The following RFX7 variants were observed in gnomAD, a reference collection of about 807,000 sequenced individuals.
RFX7 encodes regulatory factor X7.
A neutral mutation model predicts 111.8 loss-of-function variants in RFX7; 26 were observed. The observed-to-expected ratio is 0.23, with a 90% CI of 0.17 to 0.32. The LOEUF (loss-of-function observed/expected upper bound fraction) is 0.32, where lower values mean the gene tolerates loss of function less well. Ranked by LOEUF, RFX7 falls within the 10% of genes least tolerant of loss-of-function variation. The pLI is 1.00. For missense variants in RFX7, 1,573 were observed against 1,772.9 expected, an observed-to-expected ratio of 0.89 and a Z score of 2.02; for synonymous variants, 624 against 624.4, an observed-to-expected ratio of 1.00 and a Z score of 0.01.
At chr15:56,129,520 T>C (rs1363912010) in intron 5 of RFX7, among the ~76,000 whole-genome samples, 4 of 152,148 alleles carry the variant, frequency 2.6e-5, no homozygotes, top group Non-Finnish European at 4.4e-5. Context: ...ACAAATGGTA[T>C]AGGAAAAAAA....
intron 3 of RFX7, among the ~76,000 whole-genome samples, chr15:56,149,919 G>A (rs1238090526): frequency 5.3e-5 from 8 of 151,968 alleles, no homozygotes; most frequent in Admixed American, 2.0e-4. Context: ...CTGGCTCAGC[G>A]GGTCCCACTC....
At position 56,096,242 on chromosome 15, in the gene RFX7, T is replaced by A; in HGVS notation, c.1486A>T (p.Ser496Cys). 6.2e-7 allele frequency: 1 copy of A among 1,613,992 alleles called. No individual in the cohort carries two copies. The highest frequency in any genetic ancestry group is 8.5e-7 in the Non-Finnish European group (1 of 1,179,876). Residue 496 changes from serine to cysteine, a missense_variant, in exon 10 of 10, where the codon AGC becomes TGC. Around this residue, in one of 7 missense-constraint regions of RFX7, gnomAD observed 625 missense variants for 632.2 expected, o/e 0.99. Coordinates refer to ENST00000559447, the MANE Select transcript of RFX7 (RefSeq NM_022841.7). ...TCTTCTGTTGTTCCTGTAGCACTGC[T>A]GACTGAGGCAGAATGTTTAAGAGGG... Reference protein sequence around the residue: ...NTPLKHSASVSSATGTTEESR... With the variant: ...NTPLKHSASVCSATGTTEESR...
chr15:56,106,180 T>C (rs1383997032), intron 5 of RFX7, among the ~76,000 whole-genome samples: 1 of 152,218 alleles, frequency 6.6e-6, no homozygotes, highest in Admixed American at 6.5e-5. Context: ...GGTATACAGA[T>C]GACCAATGCC....
intron 3 of RFX7, among the ~76,000 whole-genome samples, chr15:56,165,209 T>G (rs1020300162): frequency 6.6e-6 from 1 of 152,202 alleles, no homozygotes; most frequent in Non-Finnish European, 1.5e-5. Flanking sequence ...CTTACTGCTG[T>G]GTGGCCCGGT....
At chr15:56,187,355 C>T (rs979339878) in intron 2 of RFX7, among the ~76,000 whole-genome samples, 6 of 151,836 alleles carry the variant, frequency 4.0e-5, no homozygotes, top group African/African-American at 9.7e-5. Flanking sequence ...GGATTACAGG[C>T]GCATGTTGCC....
intron 5 of RFX7, among the ~76,000 whole-genome samples, chr15:56,108,759 CTCTG>C (rs1567010215): frequency 2.0e-5 from 3 of 152,186 alleles, no homozygotes; most frequent in Non-Finnish European, 4.4e-5. Flanking sequence ...GTCAAACTGT[CTCTG>C]TCTGTAGACA....
intron 2 of RFX7, among the ~76,000 whole-genome samples, chr15:56,196,629 G>A (rs1879344): frequency 0.13 from 19,768 of 151,814 alleles, 1,679 homozygotes; most frequent in East Asian, 0.43. Context: ...TACAGCACTC[G>A]GAAGGAATCA....
intron 5 of RFX7, among the ~76,000 whole-genome samples, chr15:56,115,389 A>G (rs1347807256): frequency 3.3e-5 from 5 of 152,308 alleles, no homozygotes; most frequent in Middle Eastern, 3.4e-3. Context: ...TATCCACAGT[A>G]CAGAAATCCA....
intron 2 of RFX7, among the ~76,000 whole-genome samples, chr15:56,213,596 G>A (rs1422712824): frequency 6.6e-6 from 1 of 152,116 alleles, no homozygotes; most frequent in Non-Finnish European, 1.5e-5. Context: ...TGACAAAAAC[G>A]TTTTGTCTTG....
At chr15:56,217,160 G>A (rs541234507) in intron 2 of RFX7, among the ~76,000 whole-genome samples, 2 of 151,910 alleles carry the variant, frequency 1.3e-5, no homozygotes, top group African/African-American at 4.8e-5. Context: ...TCATTTTGCT[G>A]CACTATTTTA....
chr15:56,146,455 T>G (rs1156429999), intron 3 of RFX7, among the ~76,000 whole-genome samples: 2 of 152,038 alleles, frequency 1.3e-5, no homozygotes, highest in Admixed American at 6.5e-5. Context: ...TAAGAGAAGG[T>G]TATAATAATA....
chr15:56,133,602 C>G (rs1250033039), intron 5 of RFX7, among the ~76,000 whole-genome samples: 3 of 151,982 alleles, frequency 2.0e-5, no homozygotes, highest in East Asian at 1.9e-4. Flanking sequence ...TAATGAGTGC[C>G]TAATGATTGT....
intron 2 of RFX7, among the ~76,000 whole-genome samples, chr15:56,181,894 C>G (rs2042977699): frequency 6.6e-6 from 1 of 152,142 alleles, no homozygotes; most frequent in Non-Finnish European, 1.5e-5. Context: ...AAGCGCATTA[C>G]TGCCTGAGCT....
intron 2 of RFX7, among the ~76,000 whole-genome samples, chr15:56,205,449 T>C (rs2043240099): frequency 6.6e-6 from 1 of 152,216 alleles, no homozygotes; most frequent in African/African-American, 2.4e-5. Context: ...TAACCTTCTT[T>C]CAGTTATATT....
intron 5 of RFX7, among the ~76,000 whole-genome samples, chr15:56,137,790 G>A (rs1260250686): frequency 3.9e-5 from 6 of 151,984 alleles, no homozygotes; most frequent in African/African-American, 9.7e-5. Flanking sequence ...CTTTGAATGC[G>A]TCCCAGAGAT....
In RFX7 at chr15:56,217,053, G is replaced by T. The variant is rs141247480; in HGVS notation, c.161+26072C>A. ...AAAATGGTTAAAACAAAAAAAATTA[G>T]AAAGAATAGTACAACCAAAAACTAT... On this transcript the variant is annotated intron_variant, in intron 2 of 9. Coordinates refer to ENST00000559447, the MANE Select transcript of RFX7 (RefSeq NM_022841.7). 5.0e-3 allele frequency among the ~76,000 whole-genome samples: 768 copies of T among 152,218 alleles called. 12 individuals are homozygous for T. The highest frequency in any genetic ancestry group is 0.018 in the African/African-American group (742 of 41,544).
chr15:56,131,964 CTTTTTCATATTTATTCAT>C (rs1396339692), intron 5 of RFX7, among the ~76,000 whole-genome samples: 20 of 151,950 alleles, frequency 1.3e-4, no homozygotes, highest in African/African-American at 4.6e-4. Flanking sequence ...AACAAATAGT[CTTTTTCATATTTATTCAT>C]TTTTTCATAT....
chr15:56,196,983 C>G (rs1424712238), intron 2 of RFX7, among the ~76,000 whole-genome samples: 2 of 152,090 alleles, frequency 1.3e-5, no homozygotes, highest in African/African-American at 4.8e-5. Flanking sequence ...AATTGCCTTT[C>G]AAGGTAATTT....
At position 56,145,530 on chromosome 15, in the gene RFX7, CT is replaced by C. The variant is rs2042456391; in HGVS notation, c.196-1048del. 2.0e-5 allele frequency among the ~76,000 whole-genome samples: 3 copies of C among 152,134 alleles called. No individual in the cohort carries two copies. The South Asian group carries it at 6.2e-4, about 32-fold the overall frequency. Reference sequence around the variant, plus strand: ...ATTTACATTTTTAAAATCCCATGGCCTACAGGTATTTTCCAATTGGCTCTTG... The same window carrying C: ...ATTTACATTTTTAAAATCCCATGGCCACAGGTATTTTCCAATTGGCTCTTG... On this transcript the variant is annotated intron_variant, in intron 3 of 9. Coordinates refer to ENST00000559447, the MANE Select transcript of RFX7 (RefSeq NM_022841.7).
Sources: gnomAD v4.1 joint callset for allele counts (sites outside exome capture counted in the v4.1 genomes callset) on GRCh38, gnomAD v4.1.1 for gene constraint, gnomAD v4.1.1 regional missense constraint, MANE v1.5 for transcripts, NCBI Gene and HGNC (gene_info 2026-07-23, HGNC 2026-07-21) for gene names.